Variants in PPP3CC observed in about 807,000 individuals in gnomAD.
PPP3CC encodes the protein protein phosphatase 3 catalytic subunit gamma.
A neutral mutation model predicts 60.3 loss-of-function variants in PPP3CC; 35 were observed. The ratio of observed to expected loss-of-function variants is 0.58; its 90% confidence interval spans 0.44 to 0.77. The LOEUF is 0.77. Ranked by LOEUF, PPP3CC falls within the 30% of genes least tolerant of loss-of-function variation. PPP3CC has a pLI of 0.00. For missense variants in PPP3CC, 570 were observed against 628.9 expected (o/e 0.91, Z 1.00); for synonymous variants, 206 against 224.3 (o/e 0.92, Z 0.73).
Position 22,517,425 on chromosome 8 carries a change from G to T in PPP3CC, c.770+3993G>T, listed in dbSNP as rs537915243. The stretch of plus-strand genomic sequence containing the variant: ...CTCTTCTATTTTTTGGAAGGTTTAA[G>T]AAAGATTGGTATTAATTCTTTTTTT... On this transcript the variant is annotated intron_variant, in intron 6 of 13. Coordinates refer to ENST00000240139, the MANE Select transcript of PPP3CC (RefSeq NM_005605.5). 6.9e-5 allele frequency among the ~76,000 whole-genome samples: 10 copies of T among 144,290 alleles called. 1 individual carries two copies. Among genetic ancestry groups the T allele is most frequent in the Non-Finnish European group, 1.1e-4 (7 of 65,668 alleles). The allele number at this position is 144,290 out of a possible 152,430, so 94.7% of individuals were successfully genotyped here.
intron 4 of PPP3CC, among the ~76,000 whole-genome samples, chr8:22,508,954 A>G (rs982201187): frequency 5.9e-5 from 9 of 152,216 alleles, no homozygotes; most frequent in Non-Finnish European, 1.3e-4. Flanking sequence ...CTCCTAATAA[A>G]GTTAGCATAT....
At chr8:22,504,583 C>G (rs1043111908) in intron 4 of PPP3CC, among the ~76,000 whole-genome samples, 2 of 152,204 alleles carry the variant, frequency 1.3e-5, no homozygotes, top group African/African-American at 4.8e-5. Flanking sequence ...CAGATGTGAG[C>G]TGCCATGCCT....
intron 1 of PPP3CC, among the ~76,000 whole-genome samples, chr8:22,460,510 A>G (rs1412007928): frequency 6.6e-6 from 1 of 152,054 alleles, no homozygotes; most frequent in Non-Finnish European, 1.5e-5. Context: ...TCGAAACTTT[A>G]AAAAATAGCA....
intron 5 of PPP3CC, among the ~76,000 whole-genome samples, chr8:22,512,180 A>G (rs763418663): frequency 6.6e-6 from 1 of 152,054 alleles, no homozygotes; most frequent in South Asian, 2.1e-4. Context: ...TGAGACTAAA[A>G]ATTTTTCTGT....
At chr8:22,491,027 C>T (rs1838390104) in intron 3 of PPP3CC, among the ~76,000 whole-genome samples, 1 of 152,190 alleles carries the variant, frequency 6.6e-6, no homozygotes, top group South Asian at 2.1e-4. Context: ...TGATTGCTTT[C>T]TGCCTGCTGT....
intron 1 of PPP3CC, among the ~76,000 whole-genome samples, chr8:22,444,464 G>A (rs753247131): frequency 7.2e-5 from 11 of 152,166 alleles, no homozygotes; most frequent in Admixed American, 2.0e-4. Flanking sequence ...CAGAAAGTAT[G>A]TGAAATTATA....
In PPP3CC at chr8:22,511,335, G is replaced by A. The variant is rs74804097; in HGVS notation, c.630+104G>A. On this transcript the variant is annotated intron_variant, in intron 5 of 13. Coordinates refer to ENST00000240139, the MANE Select transcript of PPP3CC (RefSeq NM_005605.5). ...GACAGAGTCTCTCTCTTTCACCCGG[G>A]CTGAAGTACAGTGGTGCTATCTCAG... is the stretch of plus-strand genomic sequence containing the variant. The A allele has an allele frequency of 1.2e-4, 158 of 1,278,212 alleles. No homozygotes were observed. In the East Asian group the frequency reaches 3.6e-3, roughly 29 times the overall value. 79.2% of individuals were successfully genotyped at this position (1,278,212 alleles called of 1,614,324 possible). A position where few individuals can be genotyped will look rare whatever the true frequency, so the allele number is the denominator to read the frequency against.
chr8:22,497,271 T>C (rs1055720356), intron 3 of PPP3CC, among the ~76,000 whole-genome samples: 2 of 152,016 alleles, frequency 1.3e-5, no homozygotes, highest in Non-Finnish European at 2.9e-5. Flanking sequence ...TCCGGTGATC[T>C]GCCCGCCTTG....
chr8:22,506,932 T>A (rs1842744), intron 4 of PPP3CC, among the ~76,000 whole-genome samples: 58,288 of 140,806 alleles, frequency 0.41, 14,366 homozygotes, highest in African/African-American at 0.72. Flanking sequence ...ATAAATAAAT[T>A]AATTAATTAA....
intron 6 of PPP3CC, among the ~76,000 whole-genome samples, chr8:22,522,220 T>C (rs1038995152): frequency 3.3e-5 from 5 of 152,116 alleles, no homozygotes; most frequent in African/African-American, 9.7e-5. Context: ...TGTATTGTTA[T>C]GGATTAAGAC....
chr8:22,442,202 A>G (rs781633331), intron 1 of PPP3CC, among the ~76,000 whole-genome samples: 1 of 152,342 alleles, frequency 6.6e-6, no homozygotes, highest in South Asian at 2.1e-4. Flanking sequence ...GATTACACAT[A>G]ACCACTAATT....
intron 6 of PPP3CC, among the ~76,000 whole-genome samples, chr8:22,516,262 C>A (rs1406598697): frequency 4.6e-5 from 7 of 152,242 alleles, no homozygotes; most frequent in African/African-American, 1.7e-4. Flanking sequence ...TTCCTCCATG[C>A]CAACTTTTCC....
intron 6 of PPP3CC, among the ~76,000 whole-genome samples, chr8:22,517,922 C>T (rs995681608): frequency 1.3e-5 from 2 of 151,888 alleles, no homozygotes; most frequent in South Asian, 2.1e-4. Flanking sequence ...TTTCTAGTTT[C>T]TTGAAGTGTA....
At chr8:22,453,699 C>T (rs1837103660) in intron 1 of PPP3CC, among the ~76,000 whole-genome samples, 1 of 152,222 alleles carries the variant, frequency 6.6e-6, no homozygotes, top group Non-Finnish European at 1.5e-5. Flanking sequence ...ATGTTACACA[C>T]CTAGGCTGTA....
chr8:22,448,540 G>A (rs1481538356), intron 1 of PPP3CC, among the ~76,000 whole-genome samples: 1 of 151,750 alleles, frequency 6.6e-6, no homozygotes, highest in African/African-American at 2.4e-5. Context: ...CCACCGCACT[G>A]GGCTAATTTT....
At chr8:22,471,714 T>C (rs1165192641) in intron 1 of PPP3CC, among the ~76,000 whole-genome samples, 1 of 152,178 alleles carries the variant, frequency 6.6e-6, no homozygotes, top group Non-Finnish European at 1.5e-5. Flanking sequence ...TGGAAGTTGC[T>C]CTGGGTGAGT....
At chr8:22,534,826 A>T (rs1184125591) in intron 12 of PPP3CC, among the ~76,000 whole-genome samples, 2 of 152,282 alleles carry the variant, frequency 1.3e-5, no homozygotes, top group African/African-American at 4.8e-5. Flanking sequence ...AACATGGTTG[A>T]ATCTCATAGA....
chr8:22,517,473 A>G (rs562717581), intron 6 of PPP3CC, among the ~76,000 whole-genome samples: 3 of 152,134 alleles, frequency 2.0e-5, no homozygotes, highest in Non-Finnish European at 4.4e-5. Context: ...GAATTCACCC[A>G]TGAAACCATC....
intron 9 of PPP3CC, 54 bp downstream of exon 9, chr8:22,527,571 T>TA: frequency 6.4e-7 from 1 of 1,566,154 alleles, no homozygotes; most frequent in Non-Finnish European, 8.7e-7. Context: ...GAGCATACCT[T>TA]ATATTTGCAT....
Sources: allele counts gnomAD v4.1 joint callset (sites outside exome capture counted in the v4.1 genomes callset), GRCh38; gene constraint gnomAD v4.1.1; transcripts MANE v1.5; gene names NCBI Gene and HGNC (gene_info 2026-07-23, HGNC 2026-07-21).